CDH24: variants seen among roughly 807,000 people sequenced by gnomAD.
CDH24 encodes cadherin 24.
In CDH24, 61 loss-of-function variants were observed where a neutral mutation model predicts 71.2. That is an observed-to-expected ratio of 0.86 (90% CI 0.70 to 1.06). The LOEUF is 1.06. CDH24 is among the 50% of genes least tolerant of loss of function. The pLI, the probability that CDH24 is intolerant of heterozygous loss-of-function variation, is 0.00. For synonymous variants in CDH24, 440 were observed against 470.2 expected, an observed-to-expected ratio of 0.94 and a Z score of 0.83; for missense variants, 961 against 1,083.7, an observed-to-expected ratio of 0.89 and a Z score of 1.59.
Position 23,057,448 on chromosome 14 carries a change from GC to G in CDH24, c.-171del, listed in dbSNP as rs1301575920. The G allele has an allele frequency of 6.6e-6, 1 of 152,088 alleles. No individual in the cohort carries two copies. Among genetic ancestry groups the G allele is most frequent in the African/African-American group, 2.4e-5 (1 of 41,424 alleles). 9.4% of individuals were successfully genotyped at this position (152,088 alleles called of 1,614,324 possible). On this transcript the variant is annotated 5_prime_UTR_variant, in exon 1 of 13. Transcript: ENST00000487137. The surrounding 1 kb of genome is among the most constrained non-coding windows in gnomAD (Gnocchi z 5.4). Reference sequence around the variant, plus strand: ...AGGCCGGCGGGAAGCGCCCCCGCCCGCCCCCGTCGCCGGGTCCCGGGGGCAC... The same window carrying G: ...AGGCCGGCGGGAAGCGCCCCCGCCCGCCCCGTCGCCGGGTCCCGGGGGCAC...
rs748140441 is a variant in CDH24, at chr14:23,053,756, T to C, written c.973-7A>G. ...GGCTCTCAAAGTCTAGGGGCTATGG[T>C]GAGGGGAGAGGGAGAAAAAGTGAGG... On this transcript the variant is annotated splice_polypyrimidine_tract_variant and splice_region_variant and intron_variant, in intron 6 of 12. Transcript: ENST00000487137. The C allele has an allele frequency of 6.3e-7, 1 of 1,588,746 alleles. No individual in the cohort carries two copies. Among genetic ancestry groups the C allele is most frequent in the Admixed American group, 1.7e-5 (1 of 59,504 alleles).
intron 11 of CDH24, 23 bp downstream of exon 11, chr14:23,049,004 T>C (rs569750230): frequency 1.2e-6 from 2 of 1,607,192 alleles, no homozygotes; most frequent in South Asian, 1.1e-5. Context: ...CGCACAGCTA[T>C]GTACCACTGT....
In CDH24 at chr14:23,048,565, G is replaced by C. The variant is rs907249511; in HGVS notation, c.1847-86C>G. ...TCCATGTGAAAGGCTGACCCATCAG[G>C]TGACAGAAGCCCTGTGCTTAGGGGC... On this transcript the variant is annotated intron_variant, in intron 11 of 12. Transcript: ENST00000487137. The C allele has an allele frequency of 2.2e-6, 3 of 1,384,700 alleles. No individual in the cohort carries two copies. The East Asian group carries it at 7.0e-5, about 32-fold the overall frequency. 85.8% of individuals were successfully genotyped at this position (1,384,700 alleles called of 1,614,324 possible).
intron 6 of CDH24, 91 bp from the exon 7 acceptor site, chr14:23,053,840 T>A (rs1421828713): frequency 1.6e-6 from 2 of 1,268,280 alleles, no homozygotes; most frequent in African/African-American, 3.0e-5. Flanking sequence ...CCTCCTCACA[T>A]GCATGCAGTG....
Position 23,047,943 on chromosome 14 carries a change from G to C in CDH24, c.*37C>G. 1 of 1,094,200 alleles carries C rather than the reference G, an allele frequency of 9.1e-7. No individual in the cohort carries two copies. The highest frequency in any genetic ancestry group is 2.7e-5 in the South Asian group (1 of 37,620). The allele number at this position is 1,094,200 out of a possible 1,614,324, so 67.8% of individuals were successfully genotyped here. ...CTCACTCAGAGGGCCTGTGCCCGCT[G>C]CCCCCCCCCCGCGGTGGGCCGGGCC... On this transcript the variant is annotated 3_prime_UTR_variant, in exon 12 of 13. Transcript: ENST00000487137.
chr14:23,052,272 G>T, intron 8 of CDH24: 1 of 746,332 alleles, frequency 1.3e-6, no homozygotes, highest in Non-Finnish European at 2.3e-6. Context: ...GGCCCGCCCT[G>T]CCTGGTAGCA....
rs755963692 is a variant in CDH24 at position 23,054,606 on chromosome 14, C to G, written c.684G>C (p.Gln228His). The G allele has an allele frequency of 6.2e-7, 1 of 1,614,112 alleles. No individual in the cohort carries two copies. The highest frequency in any genetic ancestry group is 1.1e-5 in the South Asian group (1 of 91,086). Residue 228 changes from glutamine (Q) to histidine (H), a missense_variant, in exon 5 of 13, where the codon CAG becomes CAC. Transcript: ENST00000487137. The surrounding 1 kb of genome is among the most constrained non-coding windows in gnomAD (Gnocchi z 5.2). ...ETQEEFLVVIQAKDMGGHMGG... is the reference protein window; with the variant it reads ...ETQEEFLVVIHAKDMGGHMGG... ...CCATGTGGCCGCCCATGTCCTTGGC[C>G]TGGATCACCACCAAGAACTCCTCCT...
rs1453142849 is a variant in CDH24, at chr14:23,051,668, T to C, written c.1363+805A>G. 6.6e-6 allele frequency among the ~76,000 whole-genome samples: 1 copy of C among 152,230 alleles called. No homozygotes were observed. The highest frequency in any genetic ancestry group is 1.5e-5 in the Non-Finnish European group (1 of 68,040). ...CATACTTTCCCCACATTTGGAATTATACACATGGCTGAGAACATACCCACA... is the reference window on the plus strand; with the variant it reads ...CATACTTTCCCCACATTTGGAATTACACACATGGCTGAGAACATACCCACA... On this transcript the variant is annotated intron_variant, in intron 8 of 12. Transcript: ENST00000487137. This position sits in a 1 kb window ranked among gnomAD's most constrained non-coding sequence, Gnocchi z 4.4.
chr14:23,053,543 T>A lies in CDH24; in HGVS notation c.1179A>T (p.Val393=). 2.5e-6 allele frequency: 4 copies of A among 1,605,794 alleles called. No individual in the cohort carries two copies. The highest frequency in any genetic ancestry group is 3.4e-6 in the Non-Finnish European group (4 of 1,173,662). ...CCAGGTCAGCCGCGGAGATCTGGCC[T>A]ACCAGGGTCCCCGGGGCCTTGTTCT... ...VPENKAPGTL[V]GQISAADLDS... Residue 393 remains valine (V), a synonymous_variant, in exon 7 of 13, where the codon GTA becomes GTT. Transcript: ENST00000487137.
chr14:23,056,781 G>A (rs1594728471), intron 1 of CDH24, among the ~76,000 whole-genome samples: 1 of 152,096 alleles, frequency 6.6e-6, no homozygotes, highest in East Asian at 1.9e-4. Flanking sequence ...GGCAGGGAGG[G>A]GCCACGGGAA....
rs1203013111 is a variant in CDH24, at chr14:23,052,220, C to A, written c.1363+253G>T. 6.9e-6 allele frequency: 5 copies of A among 721,806 alleles called. No homozygotes were observed. The East Asian group carries it at 1.1e-4, about 16-fold the overall frequency. 44.7% of individuals were successfully genotyped at this position (721,806 alleles called of 1,614,324 possible). A position where few individuals can be genotyped will look rare whatever the true frequency, so the allele number is the denominator to read the frequency against. Reference sequence around the variant, plus strand: ...TCAGGAGAATGCTCAGGCACACCCACTGTGCCCACCCAGCCCAGCCTAGGG... The same window carrying A: ...TCAGGAGAATGCTCAGGCACACCCAATGTGCCCACCCAGCCCAGCCTAGGG... On this transcript the variant is annotated intron_variant, in intron 8 of 12. Coordinates refer to ENST00000487137, the MANE Select transcript of CDH24 (RefSeq NM_144985.4).
Position 23,051,983 on chromosome 14 carries a change from C to A in CDH24, c.1363+490G>T. 6.3e-7 allele frequency: 1 copy of A among 1,576,958 alleles called. No individual in the cohort carries two copies. Among genetic ancestry groups the A allele is most frequent in the East Asian group, 2.3e-5 (1 of 43,228 alleles). ...CCACTCCCCTACCTTGGGGGATTCC[C>A]ACAGCGCTTCCAACAGGGCTTCTCT... On this transcript the variant is annotated intron_variant, in intron 8 of 12. Transcript: ENST00000487137. This position sits in a 1 kb window ranked among gnomAD's most constrained non-coding sequence, Gnocchi z 4.4.
chr14:23,052,394 A>G, intron 8 of CDH24, 79 bp downstream of exon 8: 1 of 1,509,038 alleles, frequency 6.6e-7, no homozygotes, highest in South Asian at 1.1e-5. Context: ...GGCAGTTAGC[A>G]CCCTTCTCCA....
chr14:23,047,958 T>C lies in CDH24; in HGVS notation c.*22A>G. 3.1e-6 allele frequency: 4 copies of C among 1,281,376 alleles called. No individual in the cohort carries two copies. Among genetic ancestry groups the C allele is most frequent in the Non-Finnish European group, 3.9e-6 (4 of 1,015,914 alleles). The allele number at this position is 1,281,376 out of a possible 1,614,324, so 79.4% of individuals were successfully genotyped here. A position where few individuals can be genotyped will look rare whatever the true frequency, so the allele number is the denominator to read the frequency against. On this transcript the variant is annotated 3_prime_UTR_variant, in exon 12 of 13. Coordinates refer to ENST00000487137, the MANE Select transcript of CDH24 (RefSeq NM_144985.4). ...TGTGCCCGCTGCCCCCCCCCCGCGG[T>C]GGGCCGGGCCAGCCCGGGCGCTCAG...
intron 7 of CDH24, 151 bp downstream of exon 7, chr14:23,053,345 C>T: frequency 1.0e-6 from 1 of 953,348 alleles, no homozygotes; most frequent in Non-Finnish European, 1.5e-6. Flanking sequence ...CCCTGGCACC[C>T]AGGCCTGCAG....
rs1469901168 is a variant in CDH24, at chr14:23,052,592, T to C, written c.1244A>G (p.His415Arg). 1.2e-6 allele frequency: 2 copies of C among 1,613,456 alleles called. No individual in the cohort carries two copies. The highest frequency in any genetic ancestry group is 1.1e-5 in the South Asian group (1 of 91,076). Residue 415 changes from histidine (H) to arginine (R), a missense_variant, in exon 8 of 13, where the codon CAC becomes CGC. By Grantham distance (29) the His-to-Arg change is conservative. This residue lies in a region of CDH24 where 671 missense variants were observed against 810.9 expected (regional missense o/e 0.83). Transcript: ENST00000487137. ...AGAGAAGCAACGCTCCGGATCTGAGTGGGGGAGGATGGAGTATCTGGGGAA... is the reference window on the plus strand; with the variant it reads ...AGAGAAGCAACGCTCCGGATCTGAGCGGGGGAGGATGGAGTATCTGGGGAA... Reference protein sequence around the residue: ...ASPIRYSILPHSDPERCFSIQ... With the variant: ...ASPIRYSILPRSDPERCFSIQ...
In CDH24 at chr14:23,054,305, C is replaced by T. The variant is rs2047108145; in HGVS notation, c.808G>A (p.Glu270Lys). ...ACCAGTGTGCCAGGTCCAGCTGTCTCCACCACGGAGAACTGGTATAGGCCT... is the reference window on the plus strand; with the variant it reads ...ACCAGTGTGCCAGGTCCAGCTGTCTTCACCACGGAGAACTGGTATAGGCCT... ...PQSLYQFSVV[E>K]TAGPGTLVGR... The change falls in exon 6 of 13, where the codon GAG becomes AAG. Residue 270 changes from glutamate to lysine, a missense_variant. Physicochemically the swap from Glu to Lys is moderately conservative, Grantham distance 56 (BLOSUM62 1). Coordinates refer to ENST00000487137, the MANE Select transcript of CDH24 (RefSeq NM_144985.4). The surrounding 1 kb of genome is among the most constrained non-coding windows in gnomAD (Gnocchi z 5.2). The T allele has an allele frequency of 6.2e-7, 1 of 1,607,250 alleles. No homozygotes were observed.
Position 23,048,224 on chromosome 14 carries a change from T to A in CDH24, c.2102A>T (p.Asp701Val). The A allele has an allele frequency of 7.6e-7, 1 of 1,307,882 alleles. No homozygotes were observed. 81.0% of individuals were successfully genotyped at this position (1,307,882 alleles called of 1,614,324 possible). A position where few individuals can be genotyped will look rare whatever the true frequency, so the allele number is the denominator to read the frequency against. Reference sequence around the variant, plus strand: ...CCGCAGCGCCAGGAGCTGCGCCACGTCGGCGGGGCCGGGGGGTCTGGGCTG... The same window carrying A: ...CCGCAGCGCCAGGAGCTGCGCCACGACGGCGGGGCCGGGGGGTCTGGGCTG... ...SRQPRPPGPA[D>V]VAQLLALRLR... The change falls in exon 12 of 13, where the codon GAC becomes GTC. Residue 701 changes from aspartate (D) to valine (V), a missense_variant. This residue lies in a region of CDH24 where 290 missense variants were observed against 272.8 expected (regional missense o/e 1.06). Coordinates refer to ENST00000487137, the MANE Select transcript of CDH24 (RefSeq NM_144985.4).
chr14:23,050,502 C>CACAT (rs1163020459), intron 8 of CDH24, among the ~76,000 whole-genome samples: 2 of 138,990 alleles, frequency 1.4e-5, no homozygotes, highest in African/African-American at 5.0e-5. Context: ...ACCACACACA[C>CACAT]ACACACACAC....
Sources: allele counts gnomAD v4.1 joint callset (sites outside exome capture counted in the v4.1 genomes callset), GRCh38; gene constraint gnomAD v4.1.1; regional missense constraint gnomAD v4.1.1; non-coding constraint Gnocchi (gnomAD v3.1); transcripts MANE v1.5; gene names NCBI Gene and HGNC (gene_info 2026-07-23, HGNC 2026-07-21).